Variants in UGT3A1 observed in about 807,000 individuals in gnomAD.
The protein encoded by UGT3A1 is UDP glycosyltransferase family 3 member A1.
In UGT3A1, 40 loss-of-function variants were observed where a neutral mutation model predicts 37.6. That is an observed-to-expected ratio of 1.06 (90% CI 0.83 to 1.38). UGT3A1 has a LOEUF of 1.38. Ranked by LOEUF, UGT3A1 falls within the 40% of genes most tolerant of loss-of-function variation. UGT3A1 has a pLI of 0.00. For missense variants in UGT3A1, 642 were observed against 634.2 expected, an observed-to-expected ratio of 1.01 and a Z score of -0.13; for synonymous variants, 256 against 232.3, an observed-to-expected ratio of 1.10 and a Z score of -0.93.
intron 2 of UGT3A1, among the ~76,000 whole-genome samples, chr5:35,983,343 C>T (rs1740604532): frequency 6.6e-6 from 1 of 152,102 alleles, no homozygotes; most frequent in African/African-American, 2.4e-5. Context: ...CCTACCATGA[C>T]TGAGCAATCA....
intron 2 of UGT3A1, among the ~76,000 whole-genome samples, chr5:35,971,876 G>A (rs1220060409): frequency 6.6e-6 from 1 of 152,158 alleles, no homozygotes; most frequent in Non-Finnish European, 1.5e-5. Context: ...TGTGAAGCAT[G>A]AGCTCGACCT....
chr5:35,978,716 C>T (rs1740399128), intron 2 of UGT3A1, among the ~76,000 whole-genome samples: 2 of 151,972 alleles, frequency 1.3e-5, no homozygotes, highest in African/African-American at 4.8e-5. Context: ...CTCACGTCCT[C>T]ACATTTCAAA....
intron 2 of UGT3A1, among the ~76,000 whole-genome samples, chr5:35,977,104 G>GAAAGAGAA (rs1740318356): frequency 7.3e-6 from 1 of 136,564 alleles, no homozygotes. Context: ...AAGAAAGAAA[G>GAAAGAGAA]AGAAAGAGAG....
At chr5:35,987,885 T>G (rs1204589560) in intron 2 of UGT3A1, among the ~76,000 whole-genome samples, 1 of 152,218 alleles carries the variant, frequency 6.6e-6, no homozygotes, top group Non-Finnish European at 1.5e-5. Context: ...TCATTTTAGT[T>G]ACAATTCTTT....
chr5:35,971,085 G>A (rs1348705), intron 2 of UGT3A1, among the ~76,000 whole-genome samples: 77,899 of 152,034 alleles, frequency 0.51, 22,774 homozygotes, highest in Non-Finnish European at 0.66. Flanking sequence ...GTAACTGGAT[G>A]ACTGTGGGGA....
chr5:35,971,842 C>G (rs537688345), intron 2 of UGT3A1, among the ~76,000 whole-genome samples: 1 of 152,140 alleles, frequency 6.6e-6, no homozygotes, highest in East Asian at 1.9e-4. Flanking sequence ...GAGGTGGGGG[C>G]TCCCTTCTAC....
intron 4 of UGT3A1, chr5:35,963,101 C>T: frequency 3.2e-6 from 2 of 618,398 alleles, no homozygotes; most frequent in Non-Finnish European, 2.9e-6. Context: ...CCACAGGTGC[C>T]ACTGTGGTCT....
chr5:35,965,376 G>T lies in UGT3A1; in HGVS notation c.843+10C>A, dbSNP rs761595120. The T allele has an allele frequency of 6.2e-7, 1 of 1,611,222 alleles. No homozygotes were observed. The highest frequency in any genetic ancestry group is 1.7e-5 in the Admixed American group (1 of 59,858). ...GTGAATCCCAAACTGAATGCTGAGG[G>T]TTCACTTACTTGTGGTACTGGTTTA... On this transcript the variant is annotated intron_variant, in intron 4 of 6. Transcript: ENST00000274278.
At chr5:35,962,371 AGAG>A (rs1159206859) in intron 4 of UGT3A1, 2 of 153,166 alleles carry the variant, frequency 1.3e-5, no homozygotes, top group African/African-American at 4.8e-5. Flanking sequence ...ATCTGTTGGA[AGAG>A]GAGGAGTGAG....
Position 35,957,846 on chromosome 5 carries a change from T to C in UGT3A1, c.844-427A>G, listed in dbSNP as rs985383036. Among the ~76,000 whole-genome samples the C allele has an allele frequency of 9.2e-5, 14 of 152,184 alleles. No individual in the cohort carries two copies. The East Asian group carries it at 1.2e-3, about 13-fold the overall frequency. On this transcript the variant is annotated intron_variant, in intron 4 of 6. Transcript: ENST00000274278. The stretch of plus-strand genomic sequence containing the variant: ...TTTGAGAAGAAGGTGTAGTCTGCTG[T>C]TGTTGGGTGGAGTATTCTCTAAATT...
chr5:35,992,205 A>G (rs973403186), upstream of UGT3A1, among the ~76,000 whole-genome samples: 1 of 152,222 alleles, frequency 6.6e-6, no homozygotes, highest in Non-Finnish European at 1.5e-5. Flanking sequence ...CCTTCAGTCT[A>G]CAGGTATTAC....
chr5:35,963,236 C>G (rs754040030), intron 4 of UGT3A1, among the ~76,000 whole-genome samples: 1 of 152,198 alleles, frequency 6.6e-6, no homozygotes. Flanking sequence ...GCATGGCCTC[C>G]CTCCATGAAG....
intron 2 of UGT3A1, among the ~76,000 whole-genome samples, chr5:35,981,727 G>A (rs1034886022): frequency 1.3e-5 from 2 of 152,348 alleles, no homozygotes; most frequent in East Asian, 3.9e-4. Flanking sequence ...ATTTTCTGGG[G>A]TGAAATTCAA....
intron 2 of UGT3A1, among the ~76,000 whole-genome samples, chr5:35,996,979 C>T (rs1741110200): frequency 6.6e-6 from 1 of 152,136 alleles, no homozygotes; most frequent in Non-Finnish European, 1.5e-5. Context: ...TAGAGAAAAA[C>T]CCAAAGAAAC....
Position 35,954,031 on chromosome 5 carries a change from C to T in UGT3A1, c.*171G>A, listed in dbSNP as rs1315692067. 2.8e-6 allele frequency: 2 copies of T among 727,240 alleles called. No homozygotes were observed. The highest frequency in any genetic ancestry group is 4.4e-6 in the Non-Finnish European group (2 of 456,340). 45.0% of individuals were successfully genotyped at this position (727,240 alleles called of 1,614,324 possible). A position where few individuals can be genotyped will look rare whatever the true frequency, so the allele number is the denominator to read the frequency against. On this transcript the variant is annotated 3_prime_UTR_variant, in exon 7 of 7. Transcript: ENST00000274278. ...AGTCACAAGGGGCAAGTCAAGAAGC[C>T]TCAGTGGTGCGTGAAGATTTCTAAA...
At chr5:35,990,238 C>T (rs1183973951) in intron 1 of UGT3A1, among the ~76,000 whole-genome samples, 1 of 152,146 alleles carries the variant, frequency 6.6e-6, no homozygotes, top group African/African-American at 2.4e-5. Flanking sequence ...AAAGGCATCT[C>T]ACTTCCCTGT....
At chr5:35,955,294 G>A in intron 6 of UGT3A1, 1 of 465,376 alleles carries the variant, frequency 2.1e-6, no homozygotes, top group Non-Finnish European at 3.9e-6. Flanking sequence ...CACAGACGAA[G>A]AAGCCAGAGG....
At chr5:35,995,116 CTG>C (rs1741064551), upstream of UGT3A1, among the ~76,000 whole-genome samples, 1 of 152,150 alleles carries the variant, frequency 6.6e-6, no homozygotes, top group Admixed American at 6.5e-5. Flanking sequence ...ATCAAGAACT[CTG>C]TAATCTTTTA....
upstream of UGT3A1, among the ~76,000 whole-genome samples, chr5:35,994,326 GT>G (rs760947338): frequency 2.2e-4 from 23 of 103,504 alleles, no homozygotes; most frequent in Admixed American, 4.0e-4. Context: ...GTTTTGTTTT[GT>G]TTTGTTTGTG....
Sources: allele counts gnomAD v4.1 joint callset (sites outside exome capture counted in the v4.1 genomes callset), GRCh38; gene constraint gnomAD v4.1.1; transcripts MANE v1.5; gene names NCBI Gene and HGNC (gene_info 2026-07-23, HGNC 2026-07-21).